XBP1: variants seen among roughly 807,000 people sequenced by gnomAD.
XBP1 encodes the protein X-box binding protein 1.
Under a neutral mutation model 34.6 loss-of-function variants are expected in XBP1, and 18 were observed. That is an observed-to-expected ratio of 0.52 (90% CI 0.36 to 0.77). The LOEUF (loss-of-function observed/expected upper bound fraction) is 0.77. XBP1 is among the 30% of genes least tolerant of loss of function. The pLI is 0.00. For missense variants in XBP1, 422 were observed against 464.6 expected, an observed-to-expected ratio of 0.91 and a Z score of 0.84; for synonymous variants, 191 against 193.4, an observed-to-expected ratio of 0.99 and a Z score of 0.11.
chr22:28,800,111 C>T (rs2031846553), intron 1 of XBP1, 187 bp downstream of exon 1: 5 of 736,294 alleles, frequency 6.8e-6, no homozygotes, highest in South Asian at 4.7e-5. Context: ...AGGTTCCCAG[C>T]GTGGCGGATC....
intron 1 of XBP1, chr22:28,799,959 C>T: frequency 1.3e-6 from 1 of 779,322 alleles, no homozygotes; most frequent in Non-Finnish European, 2.4e-6. Context: ...GATTATTCGA[C>T]CTCATGTCCG....
intron 3 of XBP1, chr22:28,796,486 A>G (rs948180965): frequency 2.8e-5 from 7 of 253,380 alleles, no homozygotes; most frequent in African/African-American, 4.5e-5. Context: ...AGTGGAAATA[A>G]CAATGGTTAG....
intron 3 of XBP1, 148 bp from the exon 4 acceptor site, chr22:28,796,340 T>C: frequency 1.5e-6 from 1 of 678,658 alleles, no homozygotes; most frequent in Non-Finnish European, 2.2e-6. Flanking sequence ...AACAACATTA[T>C]TATTATTGAG....
downstream of XBP1, chr22:28,795,021 T>C (rs1328572184): frequency 4.8e-6 from 3 of 620,250 alleles, no homozygotes; most frequent in Non-Finnish European, 7.6e-6. Flanking sequence ...AGACAATACC[T>C]GGGGGTCATC....
chr22:28,798,317 T>TTTTTTTTTTTTTTTA (rs2031788917), intron 2 of XBP1, among the ~76,000 whole-genome samples: 27 of 150,344 alleles, frequency 1.8e-4, no homozygotes, highest in African/African-American at 4.7e-4. Context: ...TTTTTTTTTT[T>TTTTTTTTTTTTTTTA]GAGACAGGGT....
intron 2 of XBP1, 130 bp from the exon 3 acceptor site, chr22:28,797,335 T>G: frequency 8.9e-7 from 1 of 1,125,332 alleles, no homozygotes; most frequent in Non-Finnish European, 1.2e-6. Flanking sequence ...GTGTTCATAG[T>G]AGGTTTTAAA....
intron 1 of XBP1, 145 bp downstream of exon 1, chr22:28,800,153 G>T: frequency 2.1e-6 from 2 of 968,284 alleles, no homozygotes; most frequent in Non-Finnish European, 3.1e-6. Flanking sequence ...CCCGCCCCGC[G>T]CCACGCTGGC....
At chr22:28,800,473 G>A (rs2031861872) in exon 1 of XBP1, 1 of 1,484,078 alleles carries the variant, frequency 6.7e-7, no homozygotes, top group Non-Finnish European at 8.9e-7. Context: ...GACAGAAGCA[G>A]AACTTTAGGG....
At chr22:28,795,391 A>C (rs2031728774) in exon 6 of XBP1, 37 of 1,556,648 alleles carry the variant, frequency 2.4e-5, no homozygotes, top group Non-Finnish European at 3.2e-5. Flanking sequence ...CATCTTCTAC[A>C]GGTTCTTCCT....
At chr22:28,799,153 C>T in exon 2 of XBP1, 1 of 1,613,190 alleles carries the variant, frequency 6.2e-7, no homozygotes, top group Non-Finnish European at 8.5e-7. Context: ...TTTTCAGTTT[C>T]CTAGGAAGAG....
At chr22:28,798,302 C>CTTTTTTTT (rs71316865) in intron 2 of XBP1, among the ~76,000 whole-genome samples, 3 of 123,388 alleles carry the variant, frequency 2.4e-5, no homozygotes, top group Admixed American at 1.6e-4. Context: ...CTTAGATTAA[C>CTTTTTTTT]TTTTTTTTTT....
At chr22:28,795,987 C>T (rs957187005) in intron 5 of XBP1, 60 bp downstream of exon 5, 3 of 1,600,334 alleles carry the variant, frequency 1.9e-6, no homozygotes, top group Admixed American at 3.3e-5. Context: ...GGATGTCAAG[C>T]ATCAAACAGA....
intron 1 of XBP1, chr22:28,800,026 G>A: frequency 1.3e-6 from 1 of 779,096 alleles, no homozygotes; most frequent in Non-Finnish European, 2.4e-6. Flanking sequence ...CTGGAAGACA[G>A]GTGCCCGCAT....
At chr22:28,797,362 A>G (rs1269255003) in intron 2 of XBP1, among the ~76,000 whole-genome samples, 157 bp from the exon 3 acceptor site, 2 of 152,224 alleles carry the variant, frequency 1.3e-5, no homozygotes, top group African/African-American at 4.8e-5. Flanking sequence ...GGCCATAATT[A>G]TGGAAAAGCA....
intron 3 of XBP1, 76 bp from the exon 4 acceptor site, chr22:28,796,268 A>C: frequency 2.9e-6 from 4 of 1,380,540 alleles, no homozygotes; most frequent in Non-Finnish European, 3.8e-6. Flanking sequence ...GTGATTCTCA[A>C]CTTTAAAGAA....
At chr22:28,795,640 T>G (rs1489451411) in exon 6 of XBP1, 1 of 1,609,894 alleles carries the variant, frequency 6.2e-7, no homozygotes, top group East Asian at 2.2e-5. Context: ...GGTAGACCTC[T>G]GGGAGCTCCT....
upstream of XBP1, chr22:28,800,532 G>T: frequency 6.7e-7 from 1 of 1,483,504 alleles, no homozygotes; most frequent in Non-Finnish European, 8.9e-7. Flanking sequence ...CATAGCTCCA[G>T]ACTACGCACC....
intron 3 of XBP1, chr22:28,796,447 T>TC (rs530722971): frequency 5.2e-4 from 172 of 329,562 alleles, no homozygotes; most frequent in Non-Finnish European, 7.7e-4. Context: ...AAGCCTTACC[T>TC]CCCTTTTCTC....
exon 1 of XBP1, chr22:28,800,300 C>T (rs1431904354): frequency 1.4e-5 from 21 of 1,555,208 alleles, no homozygotes; most frequent in Non-Finnish European, 1.8e-5. Context: ...TCGCCCACCT[C>T]CTCAGCGCCT....
Sources: allele counts gnomAD v4.1 joint callset (sites outside exome capture counted in the v4.1 genomes callset), GRCh38; gene constraint gnomAD v4.1.1; transcripts MANE v1.5; gene names NCBI Gene and HGNC (gene_info 2026-07-23, HGNC 2026-07-21).